ADAMTSL1: variants seen among roughly 807,000 people sequenced by gnomAD.
ADAMTSL1 encodes ADAMTS like 1.
In ADAMTSL1, 126 loss-of-function variants were observed where a neutral mutation model predicts 201.8. The observed-to-expected ratio is 0.62, with a 90% CI of 0.54 to 0.72. The LOEUF is 0.72. Ranked by LOEUF, ADAMTSL1 falls within the 30% of genes least tolerant of loss-of-function variation. The pLI is 0.00. For synonymous variants in ADAMTSL1, 1,121 were observed against 903.4 expected (o/e 1.24, Z -4.32); for missense variants, 2,679 against 2,277.8 (o/e 1.18, Z -3.59).
At chr9:18,400,648 A>G in intron 2 of ADAMTSL1, among the ~76,000 whole-genome samples, 1 of 152,226 alleles carries the variant, frequency 6.6e-6, no homozygotes, top group East Asian at 1.9e-4. Context: ...GGTGTCAATG[A>G]AAACCAAACC....
rs1031259246 is a variant in ADAMTSL1 at position 18,795,644 on chromosome 9, G to T, written c.3805+120G>T. 2.1e-5 allele frequency: 23 copies of T among 1,111,542 alleles called. No individual in the cohort carries two copies. In the African/African-American group the frequency reaches 2.9e-4, roughly 14 times the overall value. The allele number at this position is 1,111,542 out of a possible 1,614,324, so 68.9% of individuals were successfully genotyped here. A position where few individuals can be genotyped will look rare whatever the true frequency, so the allele number is the denominator to read the frequency against. On this transcript the variant is annotated intron_variant, in intron 20 of 28. Transcript: ENST00000380548. ...GAGACCCAGATCCCATCTTCAGGGAGTTTGTAATCTATAATTACAACAGCA... is the reference window on the plus strand; with the variant it reads ...GAGACCCAGATCCCATCTTCAGGGATTTTGTAATCTATAATTACAACAGCA...
chr9:18,143,614 G>T (rs1826498796), intron 1 of ADAMTSL1, among the ~76,000 whole-genome samples: 1 of 152,120 alleles, frequency 6.6e-6, no homozygotes, highest in South Asian at 2.1e-4. Flanking sequence ...TTTATAGATG[G>T]GTCCCCATTC....
intron 2 of ADAMTSL1, among the ~76,000 whole-genome samples, chr9:18,415,026 C>G (rs1434099515): frequency 6.6e-6 from 1 of 152,184 alleles, no homozygotes; most frequent in Non-Finnish European, 1.5e-5. Flanking sequence ...CTGGCCTTGC[C>G]TGACATCTCA....
chr9:18,244,903 G>C (rs764201244), intron 2 of ADAMTSL1, among the ~76,000 whole-genome samples: 1 of 152,098 alleles, frequency 6.6e-6, no homozygotes, highest in Admixed American at 6.6e-5. Flanking sequence ...ATGCTTCCTC[G>C]TAGTCGCTGG....
intron 7 of ADAMTSL1, chr9:18,651,042 C>G (rs1360935396): frequency 6.6e-6 from 1 of 152,224 alleles, no homozygotes; most frequent in Non-Finnish European, 1.5e-5. Context: ...TATACTCTAT[C>G]TAAACAACAG....
At chr9:18,821,739 C>T (rs1275431583) in intron 21 of ADAMTSL1, among the ~76,000 whole-genome samples, 1 of 152,012 alleles carries the variant, frequency 6.6e-6, no homozygotes, top group African/African-American at 2.4e-5. Context: ...GCCACCCTAC[C>T]TCCACACCTC....
intron 10 of ADAMTSL1, among the ~76,000 whole-genome samples, chr9:18,679,871 T>C (rs1458467849): frequency 1.3e-5 from 2 of 152,168 alleles, no homozygotes; most frequent in Non-Finnish European, 2.9e-5. Flanking sequence ...AAGCATTACA[T>C]TGAAAATAAA....
At chr9:18,493,458 C>T (rs912630871) in intron 1 of ADAMTSL1, among the ~76,000 whole-genome samples, 7 of 152,182 alleles carry the variant, frequency 4.6e-5, no homozygotes, top group African/African-American at 7.2e-5. Context: ...TCCCAGCACA[C>T]TCATCTTCAA....
chr9:18,625,276 T>G (rs955752707), intron 5 of ADAMTSL1, among the ~76,000 whole-genome samples: 29 of 149,696 alleles, frequency 1.9e-4, no homozygotes, highest in African/African-American at 6.6e-4. Context: ...ATCCAAGTTT[T>G]TTTTTTTTTT....
chr9:18,670,512 G>C (rs1829746154), intron 9 of ADAMTSL1, among the ~76,000 whole-genome samples: 1 of 152,194 alleles, frequency 6.6e-6, no homozygotes, highest in South Asian at 2.1e-4. Flanking sequence ...CTCTCTCAAA[G>C]ATGGCAGGGC....
intron 1 of ADAMTSL1, among the ~76,000 whole-genome samples, chr9:18,099,560 T>A (rs1355599380): frequency 6.6e-6 from 1 of 150,672 alleles, no homozygotes; most frequent in African/African-American, 2.4e-5. Flanking sequence ...ATGTCGAAAT[T>A]TTTTTTACCT....
intron 23 of ADAMTSL1, among the ~76,000 whole-genome samples, chr9:18,859,891 G>T (rs1431518899): frequency 6.6e-6 from 1 of 151,962 alleles, no homozygotes; most frequent in African/African-American, 2.4e-5. Flanking sequence ...TTACATGGAT[G>T]AATGAATTAC....
At chr9:18,447,737 G>A (rs372207662) in intron 2 of ADAMTSL1, among the ~76,000 whole-genome samples, 2 of 152,182 alleles carry the variant, frequency 1.3e-5, no homozygotes, top group Non-Finnish European at 2.9e-5. Context: ...TCTTGAAATA[G>A]AGTACCTTCC....
At chr9:18,306,044 C>T (rs1267753922) in intron 2 of ADAMTSL1, among the ~76,000 whole-genome samples, 1 of 152,144 alleles carries the variant, frequency 6.6e-6, no homozygotes, top group Non-Finnish European at 1.5e-5. Context: ...CTGTAGCCTC[C>T]ACTGGTGATA....
intron 2 of ADAMTSL1, among the ~76,000 whole-genome samples, chr9:18,323,733 G>C (rs1489362602): frequency 6.6e-6 from 1 of 152,020 alleles, no homozygotes; most frequent in Non-Finnish European, 1.5e-5. Context: ...TTTTTCAATA[G>C]CTTTAAACAT....
intron 23 of ADAMTSL1, among the ~76,000 whole-genome samples, chr9:18,883,165 T>A (rs1828644481): frequency 6.6e-6 from 1 of 152,148 alleles, no homozygotes; most frequent in African/African-American, 2.4e-5. Context: ...ATGCTGCATT[T>A]TAAAAAGCCC....
At chr9:18,176,981 G>A (rs1461443264) in intron 2 of ADAMTSL1, among the ~76,000 whole-genome samples, 1 of 152,150 alleles carries the variant, frequency 6.6e-6, no homozygotes, top group Non-Finnish European at 1.5e-5. Flanking sequence ...AAAATTTCAG[G>A]TAGACATTAT....
chr9:17,963,647 G>A (rs769056590), intron 1 of ADAMTSL1, among the ~76,000 whole-genome samples: 11 of 152,090 alleles, frequency 7.2e-5, no homozygotes, highest in Non-Finnish European at 1.2e-4. Context: ...GCAGCTTCCC[G>A]TTTTTTAATA....
chr9:18,516,087 C>CAAAAAAAAAAAAAA (rs11418722), intron 2 of ADAMTSL1, among the ~76,000 whole-genome samples: 3 of 131,112 alleles, frequency 2.3e-5, no homozygotes, highest in Non-Finnish European at 3.3e-5. Flanking sequence ...CCTCAACTAC[C>CAAAAAAAAAAAAAA]AAAAAAAAAA....
Sources: gnomAD v4.1 joint callset for allele counts (sites outside exome capture counted in the v4.1 genomes callset) on GRCh38, gnomAD v4.1.1 for gene constraint, MANE v1.5 for transcripts, NCBI Gene and HGNC (gene_info 2026-07-23, HGNC 2026-07-21) for gene names.